The following MAST4 variants were observed in gnomAD, a reference collection of about 807,000 sequenced individuals.
MAST4 encodes microtubule associated serine/threonine kinase family member 4, also known as microtubule-associated serine/threonine-protein kinase 4.
MAST4 carries 89 observed loss-of-function variants against 162.7 expected under a neutral mutation model. The observed-to-expected ratio is 0.55, with a 90% CI of 0.46 to 0.65. The LOEUF (loss-of-function observed/expected upper bound fraction) is 0.65, where lower values mean the gene tolerates loss of function less well. Among genes scored for constraint, MAST4 ranks in the 30% least tolerant of loss-of-function variants. MAST4 has a pLI of 0.00. For missense variants in MAST4, 3,153 were observed against 3,374.0 expected, an observed-to-expected ratio of 0.93 and a Z score of 1.62; for synonymous variants, 1,479 against 1,361.1, an observed-to-expected ratio of 1.09 and a Z score of -1.91.
chr5:66,874,393 A>G (rs546815673), intron 3 of MAST4, among the ~76,000 whole-genome samples: 11 of 152,334 alleles, frequency 7.2e-5, no homozygotes, highest in Middle Eastern at 3.4e-3. Context: ...ACAGAGGATT[A>G]GTTTTCAAAT....
intron 5 of MAST4, among the ~76,000 whole-genome samples, chr5:67,086,484 A>G (rs1763248266): frequency 6.6e-6 from 1 of 152,310 alleles, no homozygotes; most frequent in South Asian, 2.1e-4. Context: ...CTGTTTATGT[A>G]TTAGCCATGC....
At chr5:66,971,321 CAG>C (rs969250130) in intron 4 of MAST4, among the ~76,000 whole-genome samples, 1 of 152,170 alleles carries the variant, frequency 6.6e-6, no homozygotes, top group African/African-American at 2.4e-5. Flanking sequence ...CTTTGGAAAT[CAG>C]GCCGTGGGCC....
rs140189919 is a variant in MAST4, at chr5:66,728,811, AGTC to A, written c.364-30895_364-30893del. Among the ~76,000 whole-genome samples, 1,328 of 152,314 alleles carry A rather than the reference AGTC, an allele frequency of 8.7e-3. 19 individuals carry two copies. The highest frequency in any genetic ancestry group is 0.029 in the African/African-American group (1,226 of 41,572). On this transcript the variant is annotated intron_variant, in intron 1 of 28. Coordinates refer to ENST00000403625, the MANE Select transcript of MAST4 (RefSeq NM_001164664.2). ...AACATGGCAAAGTCTCCTTAATGGAAGTCGTGATGGCTTTCTTTATACCAGTAG... is the reference window on the plus strand; with the variant it reads ...AACATGGCAAAGTCTCCTTAATGGAAGTGATGGCTTTCTTTATACCAGTAG...
At chr5:66,849,415 C>T (rs940455868) in intron 3 of MAST4, among the ~76,000 whole-genome samples, 2 of 152,162 alleles carry the variant, frequency 1.3e-5, no homozygotes, top group Non-Finnish European at 2.9e-5. Context: ...CTATTCTCCC[C>T]TCCACCTCCC....
intron 3 of MAST4, among the ~76,000 whole-genome samples, chr5:66,845,713 A>G (rs1165748039): frequency 6.6e-6 from 1 of 152,198 alleles, no homozygotes; most frequent in Non-Finnish European, 1.5e-5. Context: ...TGGTTGAACT[A>G]GTTTACATTG....
chr5:67,093,011 G>C (rs535141333), intron 6 of MAST4, among the ~76,000 whole-genome samples: 38 of 152,282 alleles, frequency 2.5e-4, no homozygotes, highest in Non-Finnish European at 3.4e-4. Flanking sequence ...ACATCAACTA[G>C]AATATTTGGT....
At chr5:67,038,552 A>G (rs1335208561) in intron 4 of MAST4, among the ~76,000 whole-genome samples, 1 of 152,194 alleles carries the variant, frequency 6.6e-6, no homozygotes, top group Non-Finnish European at 1.5e-5. Context: ...CAAATTGATG[A>G]TGGTGTTGAT....
intron 4 of MAST4, among the ~76,000 whole-genome samples, chr5:66,968,601 T>C (rs567570094): frequency 4.2e-4 from 64 of 152,300 alleles, no homozygotes; most frequent in African/African-American, 1.5e-3. Flanking sequence ...TAAATATATA[T>C]TGATTTAATG....
At chr5:66,872,148 A>ATTTT (rs1312081088) in intron 3 of MAST4, among the ~76,000 whole-genome samples, 1 of 110,170 alleles carries the variant, frequency 9.1e-6, no homozygotes, top group Non-Finnish European at 2.1e-5. Context: ...TAGGATATAA[A>ATTTT]TTTTTTGTTT....
chr5:67,080,065 C>T (rs1340567646), intron 5 of MAST4, among the ~76,000 whole-genome samples: 1 of 152,198 alleles, frequency 6.6e-6, no homozygotes, highest in Non-Finnish European at 1.5e-5. Flanking sequence ...TTTCTAACCC[C>T]TTGAGTATTC....
intron 1 of MAST4, among the ~76,000 whole-genome samples, chr5:66,709,319 A>C (rs1433620970): frequency 6.6e-6 from 1 of 152,150 alleles, no homozygotes. Flanking sequence ...TGAAGCATCA[A>C]AATGAATTTT....
chr5:66,920,925 G>A (rs1169800125), intron 4 of MAST4, among the ~76,000 whole-genome samples: 1 of 152,100 alleles, frequency 6.6e-6, no homozygotes, highest in Non-Finnish European at 1.5e-5. Flanking sequence ...AAGCCTGGGG[G>A]TTGGAGTGAG....
Position 66,788,658 on chromosome 5 carries a change from T to C in MAST4, c.518-12T>C. ...CCTGTCACTTACATTTTCTTCTCTTTAACTCCAACAGGGAGGTACCTTCTT... is the reference window on the plus strand; with the variant it reads ...CCTGTCACTTACATTTTCTTCTCTTCAACTCCAACAGGGAGGTACCTTCTT... On this transcript the variant is annotated splice_polypyrimidine_tract_variant and intron_variant, in intron 2 of 28. Coordinates refer to ENST00000403625, the MANE Select transcript of MAST4 (RefSeq NM_001164664.2). 6.2e-7 allele frequency: 1 copy of C among 1,611,316 alleles called. No individual in the cohort carries two copies. Among genetic ancestry groups the C allele is most frequent in the Non-Finnish European group, 8.5e-7 (1 of 1,178,450 alleles).
intron 1 of MAST4, among the ~76,000 whole-genome samples, chr5:66,756,784 A>G (rs1753566845): frequency 2.6e-5 from 4 of 152,314 alleles, no homozygotes; most frequent in Middle Eastern, 6.8e-3. Context: ...ATTTAGAGAG[A>G]GCCTGTTGGG....
At chr5:66,964,629 G>A (rs527793249) in intron 4 of MAST4, among the ~76,000 whole-genome samples, 18 of 152,234 alleles carry the variant, frequency 1.2e-4, no homozygotes, top group Non-Finnish European at 2.1e-4. Context: ...GTGAAACCCC[G>A]TCTCTATTAA....
chr5:66,833,837 A>G (rs1341303984), intron 3 of MAST4, among the ~76,000 whole-genome samples: 1 of 152,224 alleles, frequency 6.6e-6, no homozygotes, highest in African/African-American at 2.4e-5. Flanking sequence ...CACTGAAACT[A>G]TAAAACCATT....
chr5:66,876,351 T>C (rs1424289310), intron 3 of MAST4, among the ~76,000 whole-genome samples: 2 of 152,082 alleles, frequency 1.3e-5, no homozygotes, highest in East Asian at 3.9e-4. Context: ...TTTTAAACAA[T>C]ATGAGCTTAG....
intron 4 of MAST4, among the ~76,000 whole-genome samples, chr5:66,935,194 C>T (rs17207599): frequency 0.056 from 8,507 of 152,246 alleles, 316 homozygotes; most frequent in Non-Finnish European, 0.089. Flanking sequence ...AAAATATTCC[C>T]AGTAACGATT....
chr5:67,041,362 C>G (rs1756716018), intron 4 of MAST4, among the ~76,000 whole-genome samples: 2 of 152,162 alleles, frequency 1.3e-5, no homozygotes, highest in East Asian at 3.8e-4. Flanking sequence ...TACCTTCTTT[C>G]TATAACTAGG....
Sources: gnomAD v4.1 joint callset for allele counts (sites outside exome capture counted in the v4.1 genomes callset) on GRCh38, gnomAD v4.1.1 for gene constraint, MANE v1.5 for transcripts, NCBI Gene and HGNC (gene_info 2026-07-23, HGNC 2026-07-21) for gene names.